Variants in SAXO1 observed in about 807,000 individuals in gnomAD.
The protein encoded by SAXO1 is 4930500O09Rik.
A neutral mutation model predicts 17.5 loss-of-function variants in SAXO1; 21 were observed. The observed-to-expected ratio is 1.20, with a 90% CI of 0.85 to 1.72. The LOEUF (loss-of-function observed/expected upper bound fraction) is 1.72, where lower values mean the gene tolerates loss of function less well. SAXO1 is among the 40% of genes most tolerant of loss of function. SAXO1 has a pLI of 0.00. For synonymous variants in SAXO1, 274 were observed against 216.5 expected (o/e 1.27, Z -2.33); for missense variants, 843 against 596.0 (o/e 1.41, Z -4.32).
intron 1 of SAXO1, among the ~76,000 whole-genome samples, chr9:19,017,211 C>T (rs969037301): frequency 6.6e-5 from 10 of 151,860 alleles, no homozygotes; most frequent in Admixed American, 5.3e-4. Flanking sequence ...TCAATTGATG[C>T]CAAAAAATCT....
At chr9:18,935,315 A>G (rs906497885) in intron 3 of SAXO1, among the ~76,000 whole-genome samples, 4 of 152,176 alleles carry the variant, frequency 2.6e-5, no homozygotes, top group East Asian at 1.9e-4. Flanking sequence ...CACTTTGCCA[A>G]TGGAGCTGTG....
At chr9:18,959,408 G>T (rs546941126) in intron 1 of SAXO1, among the ~76,000 whole-genome samples, 1 of 152,230 alleles carries the variant, frequency 6.6e-6, no homozygotes, top group East Asian at 1.9e-4. Context: ...GGGGAGAGAA[G>T]AATCAGAGCC....
intron 1 of SAXO1, among the ~76,000 whole-genome samples, chr9:18,988,008 G>A (rs1833665112): frequency 6.6e-6 from 1 of 152,192 alleles, no homozygotes; most frequent in South Asian, 2.1e-4. Flanking sequence ...GCACTGTAAT[G>A]GTTCCCTTCA....
In SAXO1 at chr9:19,028,773, C is replaced by G. The variant is rs192232470; in HGVS notation, c.38+4098G>C. Reference sequence around the variant, plus strand: ...ATGTCTGATTTTTTTTTTAGCCCAGCAAAGCTCACTGAAAAGTTTTACAAG... The same window carrying G: ...ATGTCTGATTTTTTTTTTAGCCCAGGAAAGCTCACTGAAAAGTTTTACAAG... On this transcript the variant is annotated intron_variant, in intron 1 of 3. Coordinates refer to ENST00000380534, the MANE Select transcript of SAXO1 (RefSeq NM_153707.4). 1.7e-3 allele frequency among the ~76,000 whole-genome samples: 259 copies of G among 152,152 alleles called. 1 individual carries two copies. The highest frequency in any genetic ancestry group is 6.0e-3 in the African/African-American group (249 of 41,520).
intron 1 of SAXO1, among the ~76,000 whole-genome samples, chr9:19,032,490 A>G (rs1293146878): frequency 6.6e-6 from 1 of 152,240 alleles, no homozygotes; most frequent in African/African-American, 2.4e-5. Context: ...ATTCAGTTAT[A>G]CTACAGGAAT....
At chr9:18,987,694 C>T (rs905316367) in intron 1 of SAXO1, among the ~76,000 whole-genome samples, 1 of 151,980 alleles carries the variant, frequency 6.6e-6, no homozygotes, top group Non-Finnish European at 1.5e-5. Context: ...AGCTCAGGAG[C>T]TCAAGGCCAG....
chr9:18,943,432 C>G (rs950867178), intron 2 of SAXO1, among the ~76,000 whole-genome samples: 1 of 152,180 alleles, frequency 6.6e-6, no homozygotes, highest in Non-Finnish European at 1.5e-5. Flanking sequence ...TCTCAGTGAG[C>G]AAGTACTACA....
chr9:19,035,525 G>C (rs1041195839), upstream of SAXO1, among the ~76,000 whole-genome samples: 2 of 152,222 alleles, frequency 1.3e-5, no homozygotes, highest in Non-Finnish European at 2.9e-5. Flanking sequence ...CTGCTGAAAA[G>C]TTACCCAAAA....
chr9:18,968,395 G>GATGTGTCAATGTTAATGATAGAATCTA (rs146488386), intron 1 of SAXO1, among the ~76,000 whole-genome samples: 2 of 152,284 alleles, frequency 1.3e-5, no homozygotes, highest in African/African-American at 4.8e-5. Flanking sequence ...TAGATGGAGA[G>GATGTGTCAATGTTAATGATAGAATCTA]ATGTGTCAAT....
Position 19,002,358 on chromosome 9 carries a change from A to T in SAXO1, c.38+30513T>A, listed in dbSNP as rs554752772. 3.0e-3 allele frequency among the ~76,000 whole-genome samples: 461 copies of T among 152,372 alleles called. 8 individuals are homozygous for T. In the South Asian group the frequency reaches 0.044, roughly 15 times the overall value. On this transcript the variant is annotated intron_variant, in intron 1 of 3. Coordinates refer to ENST00000380534, the MANE Select transcript of SAXO1 (RefSeq NM_153707.4). ...CATTCCTTCTGAAACTATTTCAAACAACAGAAAAAGAGGGACTCCTCTCTC... is the reference window on the plus strand; with the variant it reads ...CATTCCTTCTGAAACTATTTCAAACTACAGAAAAAGAGGGACTCCTCTCTC...
rs185016311 is a variant in SAXO1 at position 18,986,192 on chromosome 9, A to C, written c.39-35255T>G. ...GCAATTCATTTACAGCTACTACTAC[A>C]TATCCTTCACAATGTATCCATTCAT... On this transcript the variant is annotated intron_variant, in intron 1 of 3. Transcript: ENST00000380534. Among the ~76,000 whole-genome samples the C allele has an allele frequency of 1.7e-3, 263 of 152,336 alleles. 2 individuals are homozygous for C. Among genetic ancestry groups the C allele is most frequent in the African/African-American group, 5.9e-3 (244 of 41,582 alleles).
chr9:18,957,211 C>T (rs1444492941), intron 1 of SAXO1, among the ~76,000 whole-genome samples: 1 of 152,220 alleles, frequency 6.6e-6, no homozygotes, highest in Non-Finnish European at 1.5e-5. Context: ...AGATTTAACT[C>T]CACTCCTCTT....
chr9:18,948,798 T>C (rs1378099551), intron 2 of SAXO1, among the ~76,000 whole-genome samples: 1 of 152,178 alleles, frequency 6.6e-6, no homozygotes, highest in Admixed American at 6.5e-5. Context: ...GTCTATACTT[T>C]CAGGATAGGA....
At chr9:18,958,372 C>T (rs976646919) in intron 1 of SAXO1, among the ~76,000 whole-genome samples, 20 of 152,034 alleles carry the variant, frequency 1.3e-4, no homozygotes, top group African/African-American at 4.6e-4. Flanking sequence ...TGCCCTGAGT[C>T]GAGATAGCAA....
intron 2 of SAXO1, among the ~76,000 whole-genome samples, chr9:18,944,999 G>A (rs992126103): frequency 2.0e-5 from 3 of 152,048 alleles, no homozygotes; most frequent in Admixed American, 6.6e-5. Context: ...CCTCTTTCTC[G>A]GGAATCTCAT....
intron 1 of SAXO1, among the ~76,000 whole-genome samples, chr9:18,972,872 A>G (rs1833003057): frequency 6.6e-6 from 1 of 152,190 alleles, no homozygotes; most frequent in Admixed American, 6.5e-5. Context: ...GGCCATTTCC[A>G]ACCCAGAGTA....
intron 3 of SAXO1, among the ~76,000 whole-genome samples, chr9:18,939,659 C>G (rs1479624602): frequency 6.6e-6 from 1 of 152,106 alleles, no homozygotes; most frequent in Non-Finnish European, 1.5e-5. Flanking sequence ...AAAGAAGGCC[C>G]TGAGGCTGGA....
chr9:19,041,164 A>G (rs971922806), intron 1 of SAXO1, among the ~76,000 whole-genome samples: 9 of 150,894 alleles, frequency 6.0e-5, no homozygotes, highest in Non-Finnish European at 1.2e-4. Context: ...ACAATCTGAA[A>G]AAAAAAAAAA....
chr9:18,941,909 C>A, intron 2 of SAXO1, 70 bp from the exon 3 acceptor site: 1 of 1,422,930 alleles, frequency 7.0e-7, no homozygotes, highest in Non-Finnish European at 9.9e-7. Context: ...CTGCTCAACC[C>A]AACTCTACAA....
Sources: gnomAD v4.1 joint callset for allele counts (sites outside exome capture counted in the v4.1 genomes callset) on GRCh38, gnomAD v4.1.1 for gene constraint, MANE v1.5 for transcripts, NCBI Gene and HGNC (gene_info 2026-07-23, HGNC 2026-07-21) for gene names.